BTNL9: variants seen among roughly 807,000 people sequenced by gnomAD.
BTNL9 encodes the protein butyrophilin-like protein 9.
In BTNL9, 45 loss-of-function variants were observed where a neutral mutation model predicts 45.8. The ratio of observed to expected loss-of-function variants is 0.98; its 90% confidence interval spans 0.77 to 1.26. The LOEUF (loss-of-function observed/expected upper bound fraction) is 1.26. BTNL9 is among the 50% of genes most tolerant of loss of function. BTNL9 has a pLI of 0.00. For missense variants in BTNL9, 784 were observed against 729.7 expected (o/e 1.07, Z -0.86); for synonymous variants, 346 against 330.8 (o/e 1.05, Z -0.50).
In BTNL9 at chr5:181,042,035, G is replaced by C. The variant is rs924885734; in HGVS notation, c.-24+1603G>C. 1.3e-5 allele frequency among the ~76,000 whole-genome samples: 2 copies of C among 152,192 alleles called. No individual in the cohort carries two copies. Among genetic ancestry groups the C allele is most frequent in the African/African-American group, 2.4e-5 (1 of 41,450 alleles). On this transcript the variant is annotated intron_variant, in intron 1 of 10. Coordinates refer to ENST00000327705, the MANE Select transcript of BTNL9 (RefSeq NM_152547.5). The surrounding 1 kb of genome is among the most constrained non-coding windows in gnomAD (Gnocchi z 4.5). ...GGACCGGAAATCAGAAAAACATCAG[G>C]GTTGTTTAGGAATTGCAGGTGCAGG...
At chr5:181,059,138 T>G in intron 10 of BTNL9, 99 bp from the exon 11 acceptor site, 1 of 1,404,346 alleles carries the variant, frequency 7.1e-7, no homozygotes, top group Non-Finnish European at 9.2e-7. Context: ...TTTCCTCGAT[T>G]ATTCCACCAA....
chr5:181,045,635 C>T (rs760290066), intron 2 of BTNL9, 37 bp downstream of exon 2: 16 of 1,514,706 alleles, frequency 1.1e-5, no homozygotes, highest in Admixed American at 3.4e-5. Flanking sequence ...AGGATGTGAA[C>T]GCCACCCCTC....
In BTNL9 at chr5:181,053,507, C is replaced by T. The variant is rs889367676; in HGVS notation, c.886+6C>T. 4 of 1,576,512 alleles carry T rather than the reference C, an allele frequency of 2.5e-6. No individual in the cohort carries two copies. The highest frequency in any genetic ancestry group is 3.4e-6 in the Non-Finnish European group (4 of 1,161,054). ...GCAGGCGGAGAAGAGACAAGGTGAG[C>T]GGGGACAGGGCGTTCTGCACGCACC... On this transcript the variant is annotated splice_donor_region_variant and intron_variant, in intron 6 of 10. Transcript: ENST00000327705. This position sits in a 1 kb window ranked among gnomAD's most constrained non-coding sequence, Gnocchi z 6.5.
chr5:181,052,218 GACAC>G (rs1002053199), intron 4 of BTNL9, among the ~76,000 whole-genome samples: 8 of 152,206 alleles, frequency 5.3e-5, no homozygotes, highest in African/African-American at 1.9e-4. Context: ...TTATAAGCCA[GACAC>G]ACAGAACAAA....
At chr5:181,047,196 G>A (rs528417116) in intron 2 of BTNL9, among the ~76,000 whole-genome samples, 4 of 152,288 alleles carry the variant, frequency 2.6e-5, no homozygotes, top group Admixed American at 6.5e-5. Flanking sequence ...AACTGTGCAG[G>A]AGCAGCAACT....
Position 181,048,147 on chromosome 5 carries a change from C to T in BTNL9, c.330C>T (p.Asp110=). ...ACAGGACCAAGTTGGTCAAGGACGA[C>T]ATCGCCTATGGCAGCGTGGTCCTGC... ...FRNRTKLVKD[D]IAYGSVVLQL... Residue 110 remains aspartate, a synonymous_variant, in exon 3 of 11, where the codon GAC becomes GAT. Coordinates refer to ENST00000327705, the MANE Select transcript of BTNL9 (RefSeq NM_152547.5). 1 of 1,613,620 alleles carries T rather than the reference C, an allele frequency of 6.2e-7. No homozygotes were observed. The highest frequency in any genetic ancestry group is 1.1e-5 in the South Asian group (1 of 91,084).
Position 181,059,840 on chromosome 5 carries a change from A to AT in BTNL9, c.1586_1587insT (p.Ala531ArgfsTer33). ...TGGCTACAGCCCTATGAGCCCGCGG[A>AT]CCCCGCCCTGGACTGGTGGTGAGGC... On this transcript the variant is annotated frameshift_variant, in exon 11 of 11. Coordinates refer to ENST00000327705, the MANE Select transcript of BTNL9 (RefSeq NM_152547.5). LOFTEE classifies it high-confidence loss of function. 6.3e-7 allele frequency: 1 copy of AT among 1,584,816 alleles called. No individual in the cohort carries two copies. Among genetic ancestry groups the AT allele is most frequent in the Non-Finnish European group, 8.5e-7 (1 of 1,171,886 alleles).
intron 2 of BTNL9, among the ~76,000 whole-genome samples, chr5:181,047,034 C>G (rs1761219258): frequency 6.6e-6 from 1 of 152,188 alleles, no homozygotes; most frequent in South Asian, 2.1e-4. Flanking sequence ...CCCTCCATTT[C>G]CTGTGGGCCA....
At position 181,050,182 on chromosome 5, in the gene BTNL9, G is replaced by T. The variant is rs1214187108; in HGVS notation, c.549G>T (p.Lys183Asn). 5 of 1,614,062 alleles carry T rather than the reference G, an allele frequency of 3.1e-6. No individual in the cohort carries two copies. Among genetic ancestry groups the T allele is most frequent in the East Asian group, 4.5e-5 (2 of 44,892 alleles). The change falls in exon 4 of 11, where the codon AAG (lysine) becomes AAT (asparagine). Residue 183 changes from lysine to asparagine, a missense_variant. Physicochemically the swap from Lys to Asn is moderately conservative, Grantham distance 94 (BLOSUM62 0). Transcript: ENST00000327705. This position sits in a 1 kb window ranked among gnomAD's most constrained non-coding sequence, Gnocchi z 4.9. ...CCAGTGGCTGGTACCCCAAGCCTAA[G>T]GTTCAGTGGAGAGACCACCAGGGAC... is the stretch of plus-strand genomic sequence containing the variant. ...LRSSGWYPKP[K>N]VQWRDHQGQC...
chr5:181,055,875 T>A lies in BTNL9; in HGVS notation c.929-114T>A, dbSNP rs1238024371. ...TATGATGCCCAGGCAGGACCCCTGC[T>A]GGCTATGTGGGTGGTGGGGGGTGCG... On this transcript the variant is annotated intron_variant, in intron 8 of 10. Transcript: ENST00000327705. This position sits in a 1 kb window ranked among gnomAD's most constrained non-coding sequence, Gnocchi z 4.4. The A allele has an allele frequency of 8.1e-7, 1 of 1,237,378 alleles. No homozygotes were observed. Among genetic ancestry groups the A allele is most frequent in the Admixed American group, 1.7e-5 (1 of 59,450 alleles). The allele number at this position is 1,237,378 out of a possible 1,614,324, so 76.6% of individuals were successfully genotyped here. A position where few individuals can be genotyped will look rare whatever the true frequency, so the allele number is the denominator to read the frequency against.
intron 1 of BTNL9, 64 bp from the exon 2 acceptor site, chr5:181,045,403 T>C (rs1761043265): frequency 1.2e-6 from 1 of 843,796 alleles, no homozygotes; most frequent in Non-Finnish European, 2.0e-6. Context: ...TCAGGTCTGA[T>C]GGAGTGAGTT....
Position 181,059,730 on chromosome 5 carries a change from C to T in BTNL9, c.1476C>T (p.Asp492=), listed in dbSNP as rs138408414. The part of the protein sequence containing the change: ...LCAYFRPRAH[D]GGEHPDPLTI... Reference sequence around the variant, plus strand: ...CGTACTTCAGGCCCAGGGCCCACGACGGCGGCGAACATCCGGATCCCCTGA... The same window carrying T: ...CGTACTTCAGGCCCAGGGCCCACGATGGCGGCGAACATCCGGATCCCCTGA... Residue 492 remains aspartate, a synonymous_variant, in exon 11 of 11, where the codon GAC becomes GAT. Coordinates refer to ENST00000327705, the MANE Select transcript of BTNL9 (RefSeq NM_152547.5). 5,225 of 1,613,194 alleles carry T rather than the reference C, an allele frequency of 3.2e-3. 9 individuals carry two copies. Among genetic ancestry groups the T allele is most frequent in the Non-Finnish European group, 4.2e-3 (4,913 of 1,179,946 alleles).
chr5:181,045,036 G>A (rs1038872338), intron 1 of BTNL9, among the ~76,000 whole-genome samples: 2 of 152,232 alleles, frequency 1.3e-5, no homozygotes, highest in Admixed American at 1.3e-4. Flanking sequence ...GTGGGACGAA[G>A]GTTGGGTTGG....
intron 1 of BTNL9, among the ~76,000 whole-genome samples, chr5:181,040,779 C>A (rs1760737313): frequency 6.6e-6 from 1 of 152,154 alleles, no homozygotes; most frequent in Non-Finnish European, 1.5e-5. Context: ...CCAGCGCAGG[C>A]AGTGAGCACT....
At chr5:181,044,266 G>T (rs1338369148) in intron 1 of BTNL9, among the ~76,000 whole-genome samples, 1 of 152,180 alleles carries the variant, frequency 6.6e-6, no homozygotes, top group African/African-American at 2.4e-5. Flanking sequence ...ACCTGCTGAT[G>T]GTGTTGCTGA....
At chr5:181,040,551 G>T (rs372327128) in intron 1 of BTNL9, 119 bp downstream of exon 1, 1 of 152,358 alleles carries the variant, frequency 6.6e-6, no homozygotes, top group East Asian at 1.9e-4. Flanking sequence ...TATTATCCGA[G>T]CTTGGCCGCA....
In BTNL9 at chr5:181,053,432, C is replaced by T. The variant is rs1313823897; in HGVS notation, c.854-37C>T. 4 of 1,551,604 alleles carry T rather than the reference C, an allele frequency of 2.6e-6. No individual in the cohort carries two copies. Among genetic ancestry groups the T allele is most frequent in the Middle Eastern group, 2.0e-4 (1 of 4,926 alleles). On this transcript the variant is annotated intron_variant, in intron 5 of 10. Coordinates refer to ENST00000327705, the MANE Select transcript of BTNL9 (RefSeq NM_152547.5). This position sits in a 1 kb window ranked among gnomAD's most constrained non-coding sequence, Gnocchi z 6.5. ...GAAGGCGGCCTGGAAGGGGCGGGGGCGCGCACTCAGCCCTCTCCGCTCCCG... is the reference window on the plus strand; with the variant it reads ...GAAGGCGGCCTGGAAGGGGCGGGGGTGCGCACTCAGCCCTCTCCGCTCCCG...
chr5:181,052,413 C>A (rs1242982839), intron 4 of BTNL9, among the ~76,000 whole-genome samples: 1 of 152,072 alleles, frequency 6.6e-6, no homozygotes, highest in Non-Finnish European at 1.5e-5. Context: ...TGGTTGCACA[C>A]GACATGGTGA....
chr5:181,045,539 C>T lies in BTNL9; in HGVS notation c.50C>T (p.Thr17Ile), dbSNP rs202143567. Residue 17 changes from threonine (T) to isoleucine (I), a missense_variant, in exon 2 of 11, where the codon ACC (threonine) becomes ATC (isoleucine). Transcript: ENST00000327705. ...SPDSLKPVSLTSSLVFLMHLL... is the reference protein window; with the variant it reads ...SPDSLKPVSLISSLVFLMHLL... The stretch of plus-strand genomic sequence containing the variant: ...GACTCCTTGAAGCCAGTATCGCTGA[C>T]CAGCAGTCTTGTCTTCCTCATGCAC... 8.1e-6 allele frequency: 13 copies of T among 1,612,778 alleles called. No homozygotes were observed. In the Middle Eastern group the frequency reaches 6.6e-4, roughly 82 times the overall value.
Sources: allele counts gnomAD v4.1 joint callset (sites outside exome capture counted in the v4.1 genomes callset), GRCh38; gene constraint gnomAD v4.1.1; non-coding constraint Gnocchi (gnomAD v3.1); transcripts MANE v1.5; gene names NCBI Gene and HGNC (gene_info 2026-07-23, HGNC 2026-07-21).